The following SCRG1 variants were observed in gnomAD, a reference collection of about 807,000 sequenced individuals.
SCRG1 encodes the protein stimulator of chondrogenesis 1, also known as scrapie-responsive protein 1.
A neutral mutation model predicts 7.7 loss-of-function variants in SCRG1; 3 were observed. That is an observed-to-expected ratio of 0.39 (90% confidence interval 0.18 to 1.01). The LOEUF (loss-of-function observed/expected upper bound fraction) is 1.01. SCRG1 is among the 50% of genes least tolerant of loss of function. The pLI, the probability that SCRG1 is intolerant of heterozygous loss-of-function variation, is 0.36. For missense variants in SCRG1, 110 were observed against 117.2 expected (o/e 0.94, Z 0.28); for synonymous variants, 46 against 41.2 (o/e 1.12, Z -0.44).
At chr4:173,484,662 T>TATGC in the SCRG1 span, among the ~76,000 whole-genome samples, 10 of 89,966 alleles carry the variant, frequency 1.1e-4, no homozygotes, top group African/African-American at 4.6e-4. Context: ...TTATATATTA[T>TATGC]ATATAACATG....
chr4:173,485,041 T>TA, the SCRG1 span, among the ~76,000 whole-genome samples: 6 of 30,172 alleles, frequency 2.0e-4, no homozygotes, highest in African/African-American at 2.6e-4. Flanking sequence ...ATATATTATA[T>TA]ATTATATAAT....
the SCRG1 span, among the ~76,000 whole-genome samples, chr4:173,497,085 A>G: frequency 6.6e-6 from 1 of 152,148 alleles, no homozygotes; most frequent in Non-Finnish European, 1.5e-5. Context: ...CAGCCTGGGC[A>G]ACAGAGTGAG....
At chr4:173,518,493 C>G in the SCRG1 span, among the ~76,000 whole-genome samples, 2 of 152,298 alleles carry the variant, frequency 1.3e-5, no homozygotes, top group African/African-American at 2.4e-5. Context: ...CTAGCAATCC[C>G]CAAGTGGGTG....
the SCRG1 span, among the ~76,000 whole-genome samples, chr4:173,487,824 T>C: frequency 0.066 from 10,047 of 152,010 alleles, 1,123 homozygotes; most frequent in African/African-American, 0.23. Context: ...CTATTTTGGC[T>C]GGGCATGGTG....
chr4:173,406,296 T>G (rs1739904257), exon 1 of SCRG1: 1 of 152,230 alleles, frequency 6.6e-6, no homozygotes, highest in African/African-American at 2.4e-5. Flanking sequence ...GAGTACAGTG[T>G]TTATATACGG....
At chr4:173,430,468 A>C in the SCRG1 span, among the ~76,000 whole-genome samples, 1 of 152,162 alleles carries the variant, frequency 6.6e-6, no homozygotes, top group African/African-American at 2.4e-5. Flanking sequence ...TGTGCCACCC[A>C]ACATGAACTC....
chr4:173,415,167 A>T, the SCRG1 span, among the ~76,000 whole-genome samples: 26 of 152,362 alleles, frequency 1.7e-4, no homozygotes, highest in Non-Finnish European at 2.9e-4. Flanking sequence ...CAAAATAGTC[A>T]TTTCATAAAT....
the SCRG1 span, among the ~76,000 whole-genome samples, chr4:173,479,451 T>G: frequency 2.0e-5 from 3 of 149,200 alleles, no homozygotes; most frequent in African/African-American, 4.9e-5. Context: ...TTGTTTTTTT[T>G]TTTTTTTGAG....
At chr4:173,497,900 G>A in the SCRG1 span, among the ~76,000 whole-genome samples, 1 of 151,936 alleles carries the variant, frequency 6.6e-6, no homozygotes, top group Non-Finnish European at 1.5e-5. Context: ...GGCTGGTCTC[G>A]AACTCCGGAC....
the SCRG1 span, among the ~76,000 whole-genome samples, chr4:173,481,430 A>G: frequency 3.3e-5 from 5 of 152,228 alleles, no homozygotes; most frequent in African/African-American, 7.2e-5. Flanking sequence ...ATTTATAAAT[A>G]ATTATGCCAC....
the SCRG1 span, among the ~76,000 whole-genome samples, chr4:173,415,646 G>A: frequency 3.3e-5 from 5 of 152,192 alleles, no homozygotes; most frequent in Non-Finnish European, 5.9e-5. Context: ...GCAAATCTGT[G>A]ACATTGGTAT....
chr4:173,461,303 A>C, the SCRG1 span, among the ~76,000 whole-genome samples: 1 of 152,202 alleles, frequency 6.6e-6, no homozygotes, highest in Non-Finnish European at 1.5e-5. Flanking sequence ...GTTTAGTCAT[A>C]ATGGTTGTGG....
At chr4:173,425,178 A>G in the SCRG1 span, among the ~76,000 whole-genome samples, 135 of 152,342 alleles carry the variant, frequency 8.9e-4, 2 homozygotes, top group East Asian at 8.9e-3. Context: ...GTAATCCATA[A>G]GTAAAAGTGC....
At chr4:173,424,527 A>T in the SCRG1 span, among the ~76,000 whole-genome samples, 1 of 152,240 alleles carries the variant, frequency 6.6e-6, no homozygotes, top group African/African-American at 2.4e-5. Context: ...ACTGGCACAG[A>T]TCATTGCTCT....
chr4:173,507,817 T>A, the SCRG1 span, among the ~76,000 whole-genome samples: 1 of 152,190 alleles, frequency 6.6e-6, no homozygotes, highest in Non-Finnish European at 1.5e-5. This position sits in a 1 kb window ranked among gnomAD's most constrained non-coding sequence, Gnocchi z 4.4. Flanking sequence ...GCAGGTTCAG[T>A]GCCATTACTG....
At chr4:173,448,896 A>G in the SCRG1 span, among the ~76,000 whole-genome samples, 1 of 152,204 alleles carries the variant, frequency 6.6e-6, no homozygotes, top group African/African-American at 2.4e-5. Context: ...TTCTTCCAAA[A>G]TCTCTACAGG....
At chr4:173,465,675 T>C in the SCRG1 span, among the ~76,000 whole-genome samples, 3 of 151,616 alleles carry the variant, frequency 2.0e-5, no homozygotes, top group East Asian at 3.9e-4. Context: ...TATACATACA[T>C]ATATAGATTT....
intron 2 of SCRG1, 90 bp from the exon 3 acceptor site, chr4:173,388,485 G>A: frequency 1.2e-6 from 1 of 858,636 alleles, no homozygotes. Flanking sequence ...GTGATTTCCA[G>A]GATTTCAGTT....
At chr4:173,388,628 T>C (rs28479062) in intron 2 of SCRG1, among the ~76,000 whole-genome samples, 3,252 of 152,316 alleles carry the variant, frequency 0.021, 118 homozygotes, top group African/African-American at 0.073. Flanking sequence ...TGCTGTCATT[T>C]ACGAAGAAAA....
Sources: gnomAD v4.1 joint callset for allele counts (sites outside exome capture counted in the v4.1 genomes callset) on GRCh38, gnomAD v4.1.1 for gene constraint, Gnocchi (gnomAD v3.1) non-coding constraint, MANE v1.5 for transcripts, NCBI Gene and HGNC (gene_info 2026-07-23, HGNC 2026-07-21) for gene names.